Variants in EFHC2 observed in about 807,000 individuals in gnomAD.
EFHC2 encodes the protein EF-hand domain containing 2.
EFHC2 carries 18 observed loss-of-function variants against 52.7 expected under a neutral mutation model. The ratio of observed to expected loss-of-function variants is 0.34; its 90% CI spans 0.24 to 0.51. The LOEUF is 0.51. EFHC2 is among the 20% of genes least tolerant of loss of function. The pLI is 0.97. For synonymous variants in EFHC2, 203 were observed against 204.1 expected, an observed-to-expected ratio of 0.99 and a Z score of 0.04; for missense variants, 513 against 562.5, an observed-to-expected ratio of 0.91 and a Z score of 0.89.
intron 11 of EFHC2, among the ~76,000 whole-genome samples, chrX:44,213,566 A>C (rs1194739592): frequency 8.9e-6 from 1 of 112,145 alleles, no homozygotes; most frequent in Admixed American, 9.5e-5. Context: ...GTAGATTTTA[A>C]AATTTTCTGA....
At chrX:44,208,524 C>A (rs1392252714) in intron 11 of EFHC2, among the ~76,000 whole-genome samples, 1 of 111,469 alleles carries the variant, frequency 9.0e-6, no homozygotes, top group Non-Finnish European at 1.9e-5. Flanking sequence ...GGTTGAAAAG[C>A]TACCTATTGA....
At chrX:44,246,893 G>T (rs1459032951) in intron 7 of EFHC2, among the ~76,000 whole-genome samples, 1 of 111,697 alleles carries the variant, frequency 9.0e-6, no homozygotes, top group Non-Finnish European at 1.9e-5. Context: ...ACGGTTTTTG[G>T]TGACTCATCT....
At chrX:44,267,470 A>T (rs1313041558) in intron 3 of EFHC2, among the ~76,000 whole-genome samples, 1 of 111,631 alleles carries the variant, frequency 9.0e-6, no homozygotes, top group Non-Finnish European at 1.9e-5. Flanking sequence ...TACCATGCTA[A>T]TGGATGCCTC....
At chrX:44,290,999 G>A (rs1176529821) in intron 2 of EFHC2, among the ~76,000 whole-genome samples, 3 of 111,814 alleles carry the variant, frequency 2.7e-5, no homozygotes, top group Non-Finnish European at 5.6e-5. Context: ...GTTCGTTTGG[G>A]TATATTCTTT....
chrX:44,189,241 T>A (rs1321189540), intron 11 of EFHC2, among the ~76,000 whole-genome samples: 5 of 110,631 alleles, frequency 4.5e-5, no homozygotes, highest in Non-Finnish European at 7.6e-5. Context: ...CAAACATTGA[T>A]CTGCTTCACA....
chrX:44,158,945 C>T (rs938971464), intron 14 of EFHC2, among the ~76,000 whole-genome samples: 11 of 112,053 alleles, frequency 9.8e-5, no homozygotes, highest in African/African-American at 3.6e-4. Context: ...AGTCCCCTTC[C>T]TGGATTTCCT....
chrX:44,259,840 T>C (rs779001582), intron 4 of EFHC2, among the ~76,000 whole-genome samples: 1 of 111,796 alleles, frequency 8.9e-6, no homozygotes, highest in African/African-American at 3.3e-5. Flanking sequence ...ATACAGGCAT[T>C]TCACCTTAGA....
chrX:44,240,871 A>C (rs2037354277), intron 8 of EFHC2, among the ~76,000 whole-genome samples: 1 of 111,881 alleles, frequency 8.9e-6, no homozygotes, highest in African/African-American at 3.3e-5. Flanking sequence ...AAACTTAAAA[A>C]TAGAACCCTA....
chrX:44,174,459 C>T (rs2036769346), intron 13 of EFHC2, among the ~76,000 whole-genome samples: 1 of 110,720 alleles, frequency 9.0e-6, no homozygotes, highest in African/African-American at 3.3e-5. Flanking sequence ...TAAAGAGACA[C>T]ATAAATAGCA....
chrX:44,180,479 C>T (rs756620858), intron 11 of EFHC2, among the ~76,000 whole-genome samples: 17 of 111,994 alleles, frequency 1.5e-4, no homozygotes, highest in Non-Finnish European at 2.6e-4. Context: ...TGGTGGCTCA[C>T]GCTCGTAATC....
chrX:44,269,846 G>A (rs1482007354), intron 3 of EFHC2, among the ~76,000 whole-genome samples: 12 of 111,903 alleles, frequency 1.1e-4, no homozygotes, highest in African/African-American at 3.6e-4. Context: ...GACAGTGACA[G>A]TAACTACTTT....
chrX:44,297,057 G>A (rs965201379), intron 2 of EFHC2, among the ~76,000 whole-genome samples: 4 of 111,999 alleles, frequency 3.6e-5, no homozygotes, highest in African/African-American at 9.7e-5. Context: ...ATAATTCTTC[G>A]TGACTACTAT....
chrX:44,167,903 T>C (rs916572651), intron 13 of EFHC2, among the ~76,000 whole-genome samples: 7 of 111,679 alleles, frequency 6.3e-5, no homozygotes, highest in African/African-American at 2.3e-4. Flanking sequence ...CAAGTATTTC[T>C]CTCCCTTTTC....
chrX:44,299,773 T>C (rs2037855002), intron 2 of EFHC2, among the ~76,000 whole-genome samples: 1 of 111,963 alleles, frequency 8.9e-6, no homozygotes, highest in Admixed American at 9.5e-5. Flanking sequence ...ATGCCAATGC[T>C]GATTTCCTGC....
At chrX:44,282,244 A>G (rs2147359812) in intron 2 of EFHC2, among the ~76,000 whole-genome samples, 1 of 108,876 alleles carries the variant, frequency 9.2e-6, no homozygotes, top group Admixed American at 9.9e-5. Flanking sequence ...CACCAGCATG[A>G]TATTTTTGAA....
intron 4 of EFHC2, among the ~76,000 whole-genome samples, chrX:44,260,801 T>C (rs964756445): frequency 8.0e-5 from 9 of 112,179 alleles, no homozygotes; most frequent in Admixed American, 1.9e-4. Flanking sequence ...TGTGGGTGCC[T>C]AGAATCTGTC....
intron 11 of EFHC2, among the ~76,000 whole-genome samples, chrX:44,195,435 T>TG (rs1179037145): frequency 1.1e-5 from 1 of 92,765 alleles, no homozygotes; most frequent in Admixed American, 1.1e-4. Flanking sequence ...TTGTTGTTGT[T>TG]GCTGTTTTGT....
At chrX:44,328,113 G>A (rs1177973656) in intron 1 of EFHC2, among the ~76,000 whole-genome samples, 2 of 111,797 alleles carry the variant, frequency 1.8e-5, no homozygotes, top group Non-Finnish European at 3.8e-5. Flanking sequence ...CTGGCTCACG[G>A]TAGCTGATTC....
chrX:44,152,607 G>C (rs897121735), intron 14 of EFHC2, among the ~76,000 whole-genome samples: 1 of 110,743 alleles, frequency 9.0e-6, no homozygotes, highest in African/African-American at 3.3e-5. Flanking sequence ...CCATTCAGAC[G>C]GCTGATGGCT....
Sources: allele counts gnomAD v4.1 joint callset (sites outside exome capture counted in the v4.1 genomes callset), GRCh38; gene constraint gnomAD v4.1.1; transcripts MANE v1.5; gene names NCBI Gene and HGNC (gene_info 2026-07-23, HGNC 2026-07-21).